ACSM5: variants seen among roughly 807,000 people sequenced by gnomAD.
ACSM5 encodes the protein acyl-coenzyme A synthetase ACSM5, mitochondrial.
ACSM5 carries 56 observed loss-of-function variants against 71.6 expected under a neutral mutation model. The observed-to-expected ratio is 0.78, with a 90% CI of 0.63 to 0.98. The LOEUF is 0.98. Among genes scored for constraint, ACSM5 ranks in the 50% least tolerant of loss-of-function variants. The pLI is 0.00. For synonymous variants in ACSM5, 285 were observed against 281.5 expected, an observed-to-expected ratio of 1.01 and a Z score of -0.12; for missense variants, 723 against 726.0, an observed-to-expected ratio of 1.00 and a Z score of 0.05.
chr16:20,421,054 C>T (rs1966876431), intron 4 of ACSM5: 1 of 446,788 alleles, frequency 2.2e-6, no homozygotes, highest in Admixed American at 4.5e-5. Flanking sequence ...CTATTTTGAG[C>T]CTCAGTTTCC....
Position 20,439,935 on chromosome 16 carries a change from T to A in ACSM5, c.1656+16T>A, listed in dbSNP as rs190019459. 6.3e-4 allele frequency: 1,012 copies of A among 1,611,878 alleles called. 42 individuals are homozygous for A. Among genetic ancestry groups the A allele is most frequent in the Non-Finnish European group, 4.8e-5 (57 of 1,178,440 alleles). On this transcript the variant is annotated intron_variant, in intron 13 of 13. Transcript: ENST00000331849. ...CCCCAGGAAGGTAAATATCAGGGTTTCCAGGGCACAGTGATCTGGGAATCA... is the reference window on the plus strand; with the variant it reads ...CCCCAGGAAGGTAAATATCAGGGTTACCAGGGCACAGTGATCTGGGAATCA...
chr16:20,410,920 A>G lies in ACSM5; in HGVS notation c.-15-550A>G, dbSNP rs568979636. On this transcript the variant is annotated intron_variant, in intron 1 of 13. Transcript: ENST00000331849. Reference sequence around the variant, plus strand: ...TGAGGACTTAGTACCAAAAAAAACAAAAAATAAATAAAAGTATGTAAAATA... The same window carrying G: ...TGAGGACTTAGTACCAAAAAAAACAGAAAATAAATAAAAGTATGTAAAATA... Among the ~76,000 whole-genome samples the G allele has an allele frequency of 6.6e-5, 10 of 152,354 alleles. No homozygotes were observed. In the South Asian group the frequency reaches 2.1e-3, roughly 32 times the overall value.
At chr16:20,437,773 C>T (rs1967232229) in intron 12 of ACSM5, among the ~76,000 whole-genome samples, 1 of 150,990 alleles carries the variant, frequency 6.6e-6, no homozygotes, top group Non-Finnish European at 1.5e-5. Context: ...AAATGACCTA[C>T]ATATACCAGA....
In ACSM5 at chr16:20,419,890, C is replaced by A. The variant is rs145834148; in HGVS notation, c.623+455C>A. 1,182 of 226,706 alleles carry A rather than the reference C, an allele frequency of 5.2e-3. 16 individuals are homozygous for A. The highest frequency in any genetic ancestry group is 0.025 in the African/African-American group (1,069 of 43,616). The allele number at this position is 226,706 out of a possible 1,614,324, so 14.0% of individuals were successfully genotyped here. A position where few individuals can be genotyped will look rare whatever the true frequency, so the allele number is the denominator to read the frequency against. ...CACGACAAGCATTGTGTTTGGTGTT[C>A]AGAACACCATAATGGATCAAACATC... is the stretch of plus-strand genomic sequence containing the variant. On this transcript the variant is annotated intron_variant, in intron 4 of 13. Coordinates refer to ENST00000331849, the MANE Select transcript of ACSM5 (RefSeq NM_017888.3).
intron 7 of ACSM5, among the ~76,000 whole-genome samples, chr16:20,429,322 A>G (rs1967049190): frequency 6.6e-6 from 1 of 151,820 alleles, no homozygotes; most frequent in Non-Finnish European, 1.5e-5. Flanking sequence ...CTATCTTTTC[A>G]ATTTCTAATT....
At chr16:20,418,959 A>C (rs1422410283) in intron 3 of ACSM5, among the ~76,000 whole-genome samples, 1 of 152,128 alleles carries the variant, frequency 6.6e-6, no homozygotes, top group African/African-American at 2.4e-5. Flanking sequence ...GCAGTGAAAC[A>C]TTATCTTCTT....
Position 20,437,188 on chromosome 16 carries a change from G to A in ACSM5, c.1436+9G>A. 1 of 1,614,162 alleles carries A rather than the reference G, an allele frequency of 6.2e-7. No homozygotes were observed. Among genetic ancestry groups the A allele is most frequent in the Non-Finnish European group, 8.5e-7 (1 of 1,180,020 alleles). On this transcript the variant is annotated intron_variant, in intron 11 of 13. Coordinates refer to ENST00000331849, the MANE Select transcript of ACSM5 (RefSeq NM_017888.3). The stretch of plus-strand genomic sequence containing the variant: ...GTGATCAATTCTTCAAGGTCAAGCT[G>A]TCTGCACTTTCCTCCTTCCTTTGAA...
In ACSM5 at chr16:20,439,751, A is replaced by G; in HGVS notation, c.1537-49A>G. On this transcript the variant is annotated intron_variant, in intron 12 of 13. Transcript: ENST00000331849. ...TTCAAGCCTCACTTAAGGAGAAAAG[A>G]GTTGTTATACGAGGCCTGATCTTTT... The G allele has an allele frequency of 3.2e-6, 5 of 1,556,558 alleles. No homozygotes were observed. The South Asian group carries it at 4.5e-5, about 14-fold the overall frequency.
In ACSM5 at chr16:20,440,463, A is replaced by G. The variant is rs754952431; in HGVS notation, c.*36A>G. The G allele has an allele frequency of 6.4e-7, 1 of 1,565,144 alleles. No homozygotes were observed. Among genetic ancestry groups the G allele is most frequent in the Admixed American group, 1.7e-5 (1 of 59,874 alleles). Reference sequence around the variant, plus strand: ...AGGAAGGCCCCGTAGACCTCCGAAGACTCCACAAGAAACTAATGGATCACT... The same window carrying G: ...AGGAAGGCCCCGTAGACCTCCGAAGGCTCCACAAGAAACTAATGGATCACT... On this transcript the variant is annotated 3_prime_UTR_variant, in exon 14 of 14. Transcript: ENST00000331849.
At chr16:20,435,125 C>T (rs1967166930) in intron 10 of ACSM5, among the ~76,000 whole-genome samples, 1 of 152,152 alleles carries the variant, frequency 6.6e-6, no homozygotes, top group African/African-American at 2.4e-5. Flanking sequence ...CTCCGCCTCT[C>T]GGGTTCAAGT....
chr16:20,425,975 T>C (rs1269536187), intron 6 of ACSM5, among the ~76,000 whole-genome samples: 1 of 152,220 alleles, frequency 6.6e-6, no homozygotes, highest in East Asian at 1.9e-4. Flanking sequence ...CAAATGGTAG[T>C]TCTACTTTTA....
chr16:20,415,373 C>T (rs140535818), intron 2 of ACSM5, among the ~76,000 whole-genome samples: 17 of 152,278 alleles, frequency 1.1e-4, no homozygotes, highest in Non-Finnish European at 2.2e-4. Flanking sequence ...AGACAAAGTT[C>T]CTCAGTTCCT....
chr16:20,429,995 A>C (rs1388220696), intron 8 of ACSM5, among the ~76,000 whole-genome samples, 194 bp downstream of exon 8: 1 of 152,158 alleles, frequency 6.6e-6, no homozygotes, highest in Non-Finnish European at 1.5e-5. Context: ...CTAAGCTATG[A>C]GGATGCAAAG....
chr16:20,430,706 G>GA (rs375581562), intron 8 of ACSM5, among the ~76,000 whole-genome samples: 4 of 149,952 alleles, frequency 2.7e-5, no homozygotes, highest in African/African-American at 9.8e-5. Flanking sequence ...GGAAAAGAAT[G>GA]AAAAAAAGGA....
At chr16:20,423,847 T>C in intron 5 of ACSM5, 69 bp from the exon 6 acceptor site, 2 of 1,578,368 alleles carry the variant, frequency 1.3e-6, no homozygotes, top group Non-Finnish European at 1.7e-6. Context: ...TGTGGTGATA[T>C]AGATAATACA....
At chr16:20,421,007 G>A in intron 4 of ACSM5, 1 of 294,392 alleles carries the variant, frequency 3.4e-6, no homozygotes, top group South Asian at 1.3e-4. Context: ...TCATACCTTG[G>A]TAAGAAAGCA....
chr16:20,439,895 T>A lies in ACSM5; in HGVS notation c.1632T>A (p.Thr544=), dbSNP rs772337657. Residue 544 remains threonine (T), a synonymous_variant, in exon 13 of 14, where the codon ACT becomes ACA. Transcript: ENST00000331849. The part of the protein sequence containing the change: ...RELQEHVKRV[T]APYKYPRKVA... Reference sequence around the variant, plus strand: ...TCCAGGAGCATGTGAAAAGGGTGACTGCTCCATACAAATACCCCAGGAAGG... The same window carrying A: ...TCCAGGAGCATGTGAAAAGGGTGACAGCTCCATACAAATACCCCAGGAAGG... The A allele has an allele frequency of 1.2e-6, 2 of 1,612,432 alleles. No homozygotes were observed. The highest frequency in any genetic ancestry group is 1.7e-5 in the Admixed American group (1 of 59,978).
chr16:20,410,305 C>T (rs982543730), intron 1 of ACSM5, among the ~76,000 whole-genome samples: 7 of 152,126 alleles, frequency 4.6e-5, no homozygotes, highest in Admixed American at 1.3e-4. Context: ...ACGCAGCTCC[C>T]GGGCCAGTGC....
chr16:20,419,360 G>A lies in ACSM5; in HGVS notation c.548G>A (p.Cys183Tyr). 1.2e-6 allele frequency: 2 copies of A among 1,614,178 alleles called. No individual in the cohort carries two copies. The change falls in exon 4 of 14, where the codon TGC becomes TAC. Residue 183 changes from cysteine (C) to tyrosine (Y), a missense_variant. Cys to Tyr is a radical substitution (Grantham distance 194, BLOSUM62 -2). Coordinates refer to ENST00000331849, the MANE Select transcript of ACSM5 (RefSeq NM_017888.3). ...AGGGTGGATGCCATCAGTGCCGAAT[G>A]CCCCTCCCTCCAGACCAAGCTGCTG... ...APRVDAISAECPSLQTKLLVS... is the reference protein window; with the variant it reads ...APRVDAISAEYPSLQTKLLVS...
Sources: gnomAD v4.1 joint callset for allele counts (sites outside exome capture counted in the v4.1 genomes callset) on GRCh38, gnomAD v4.1.1 for gene constraint, MANE v1.5 for transcripts, NCBI Gene and HGNC (gene_info 2026-07-23, HGNC 2026-07-21) for gene names.